Variants in TFDP2 observed in about 807,000 individuals in gnomAD.
The protein encoded by TFDP2 is transcription factor Dp-2.
Under a neutral mutation model 59.3 loss-of-function variants are expected in TFDP2, and 17 were observed. The observed-to-expected ratio is 0.29, with a 90% CI of 0.20 to 0.43. The LOEUF (loss-of-function observed/expected upper bound fraction) is 0.43. Among genes scored for constraint, TFDP2 ranks in the 20% least tolerant of loss-of-function variants. The pLI is 1.00. For missense variants in TFDP2, 391 were observed against 528.8 expected (o/e 0.74, Z 2.56); for synonymous variants, 180 against 194.7 (o/e 0.92, Z 0.63).
At chr3:142,072,590 C>T (rs1302866315) in intron 3 of TFDP2, among the ~76,000 whole-genome samples, 1 of 152,106 alleles carries the variant, frequency 6.6e-6, no homozygotes, top group East Asian at 1.9e-4. Flanking sequence ...AGGAAATACA[C>T]AAGATGAGTC....
At chr3:141,977,083 C>T (rs1205013409) in intron 7 of TFDP2, among the ~76,000 whole-genome samples, 7 of 124,908 alleles carry the variant, frequency 5.6e-5, no homozygotes, top group Non-Finnish European at 1.1e-4. Context: ...GAGAAACAGT[C>T]ATAGCCATAT....
At position 142,140,196 on chromosome 3, in the gene TFDP2, T is replaced by G. The variant is rs2062892652; in HGVS notation, c.-93+8987A>C. ...TTGTGCATGCCTCACGAAGTTCTCA[T>G]GCCATGGTTTTCAGCTCCATCAGGT... On this transcript the variant is annotated intron_variant, in intron 1 of 12. Transcript: ENST00000489671. Among the ~76,000 whole-genome samples the G allele has an allele frequency of 1.3e-5, 2 of 152,324 alleles. 1 individual carries two copies. The highest frequency in any genetic ancestry group is 4.1e-4 in the South Asian group (2 of 4,822).
intron 6 of TFDP2, among the ~76,000 whole-genome samples, chr3:141,985,462 G>A (rs1210497183): frequency 4.3e-5 from 6 of 140,076 alleles, no homozygotes; most frequent in Non-Finnish European, 6.0e-5. Flanking sequence ...CAAGGCTGTA[G>A]TGAGCCATGA....
intron 1 of TFDP2, among the ~76,000 whole-genome samples, chr3:142,122,039 G>T (rs1168378450): frequency 6.6e-6 from 1 of 151,812 alleles, no homozygotes; most frequent in African/African-American, 2.4e-5. Context: ...ACACTATGAG[G>T]ATTCTCTTAA....
At chr3:142,074,884 G>A (rs1385123886) in intron 3 of TFDP2, among the ~76,000 whole-genome samples, 1 of 152,008 alleles carries the variant, frequency 6.6e-6, no homozygotes, top group African/African-American at 2.4e-5. Context: ...ATTAATGAAT[G>A]AATGAATTTA....
At chr3:141,968,513 A>T (rs1429220194) in intron 9 of TFDP2, among the ~76,000 whole-genome samples, 8 of 111,236 alleles carry the variant, frequency 7.2e-5, no homozygotes, top group African/African-American at 1.2e-4. Flanking sequence ...TATAACATAT[A>T]TATCTCATAT....
At chr3:142,116,591 A>G (rs577871209) in intron 1 of TFDP2, among the ~76,000 whole-genome samples, 18 of 152,194 alleles carry the variant, frequency 1.2e-4, no homozygotes, top group Non-Finnish European at 2.1e-4. Flanking sequence ...ACTGTAGGAA[A>G]TAAGTTTCTG....
intron 1 of TFDP2, among the ~76,000 whole-genome samples, chr3:142,128,518 A>C (rs2062361309): frequency 6.6e-6 from 1 of 152,198 alleles, no homozygotes; most frequent in Non-Finnish European, 1.5e-5. Context: ...AAGAGTTTTT[A>C]CTCAGCTTTT....
At chr3:142,123,220 C>A (rs1560168400) in intron 1 of TFDP2, among the ~76,000 whole-genome samples, 3 of 152,208 alleles carry the variant, frequency 2.0e-5, no homozygotes, top group Admixed American at 1.3e-4. Flanking sequence ...CTGCAACCTC[C>A]ACCTCCTGGG....
chr3:142,037,282 G>T (rs1427134405), intron 3 of TFDP2, among the ~76,000 whole-genome samples: 2 of 152,164 alleles, frequency 1.3e-5, no homozygotes, highest in African/African-American at 4.8e-5. Flanking sequence ...GCCTCAGGAA[G>T]TTACAGTCTA....
chr3:142,065,490 C>CTG (rs578129854), intron 3 of TFDP2, among the ~76,000 whole-genome samples: 150 of 148,350 alleles, frequency 1.0e-3, no homozygotes, highest in East Asian at 5.0e-3. Context: ...ACCATTCACT[C>CTG]TGTGTGTGTG....
At chr3:142,110,940 G>A (rs2061635295) in intron 1 of TFDP2, among the ~76,000 whole-genome samples, 1 of 103,204 alleles carries the variant, frequency 9.7e-6, no homozygotes, top group African/African-American at 4.3e-5. Context: ...GCAACAGAGT[G>A]AAACTCTGCC....
chr3:142,052,276 G>A (rs1347531513), intron 3 of TFDP2, among the ~76,000 whole-genome samples: 1 of 152,012 alleles, frequency 6.6e-6, no homozygotes, highest in African/African-American at 2.4e-5. Flanking sequence ...GGTGGCTCAC[G>A]CCTATAATCC....
intron 7 of TFDP2, among the ~76,000 whole-genome samples, chr3:141,975,126 C>T (rs2108031102): frequency 6.6e-6 from 1 of 151,890 alleles, no homozygotes; most frequent in South Asian, 2.1e-4. Flanking sequence ...ATTGGCCAGG[C>T]TGATCTTGAA....
At chr3:142,016,457 C>T (rs757414476) in intron 3 of TFDP2, among the ~76,000 whole-genome samples, 1 of 151,966 alleles carries the variant, frequency 6.6e-6, no homozygotes, top group Non-Finnish European at 1.5e-5. Flanking sequence ...CACCAGCACA[C>T]CTGGCTAATT....
At chr3:142,129,691 C>T (rs901307127) in intron 1 of TFDP2, among the ~76,000 whole-genome samples, 2 of 150,952 alleles carry the variant, frequency 1.3e-5, no homozygotes, top group Admixed American at 6.6e-5. Context: ...GTTGGGACTA[C>T]AGGAAATGGT....
intron 5 of TFDP2, 126 bp downstream of exon 5, chr3:141,994,894 G>GA (rs1455597757): frequency 1.3e-6 from 1 of 752,716 alleles, no homozygotes; most frequent in African/African-American, 1.8e-5. Flanking sequence ...TAAAATAGGT[G>GA]ATTTTAAAGG....
intron 3 of TFDP2, among the ~76,000 whole-genome samples, chr3:142,076,070 G>C (rs1202418871): frequency 1.3e-5 from 2 of 151,786 alleles, no homozygotes; most frequent in Admixed American, 1.3e-4. Context: ...AATTAGCTGG[G>C]CATGGTGGTG....
intron 6 of TFDP2, among the ~76,000 whole-genome samples, chr3:141,990,497 G>A (rs1225597515): frequency 1.3e-5 from 2 of 152,090 alleles, no homozygotes; most frequent in Non-Finnish European, 2.9e-5. Context: ...GCCTCTCAAA[G>A]TGCTGAGATT....
Sources: gnomAD v4.1 joint callset for allele counts (sites outside exome capture counted in the v4.1 genomes callset) on GRCh38, gnomAD v4.1.1 for gene constraint, MANE v1.5 for transcripts, NCBI Gene and HGNC (gene_info 2026-07-23, HGNC 2026-07-21) for gene names.